Variants in RIPK1 observed in about 807,000 individuals in gnomAD.
The protein encoded by RIPK1 is receptor interacting serine/threonine kinase 1, also known as receptor-interacting serine/threonine-protein kinase 1.
In RIPK1, 27 loss-of-function variants were observed where a neutral mutation model predicts 62.4. The ratio of observed to expected loss-of-function variants is 0.43; its 90% CI spans 0.32 to 0.60. The LOEUF is 0.60. Ranked by LOEUF, RIPK1 falls within the 20% of genes least tolerant of loss-of-function variation. RIPK1 has a pLI of 0.07. For synonymous variants in RIPK1, 287 were observed against 303.2 expected (o/e 0.95, Z 0.55); for missense variants, 735 against 831.0 (o/e 0.88, Z 1.42).
In RIPK1 at chr6:3,072,916, C is replaced by G. The variant is rs533186126; in HGVS notation, c.-60-3848C>G. ...ATCTTTTATGCCCTCTGTCTCCACC[C>G]GCTCCTACCTCATTCTCACTAGGAT... On this transcript the variant is annotated intron_variant, in intron 1 of 10. Coordinates refer to ENST00000259808, the MANE Select transcript of RIPK1 (RefSeq NM_001354930.2). The surrounding 1 kb of genome is among the most constrained non-coding windows in gnomAD (Gnocchi z 5.6). Among the ~76,000 whole-genome samples, 2 of 152,092 alleles carry G rather than the reference C, an allele frequency of 1.3e-5. No homozygotes were observed. The highest frequency in any genetic ancestry group is 1.5e-5 in the Non-Finnish European group (1 of 68,006).
At position 3,113,947 on chromosome 6, in the gene RIPK1, G is replaced by A. The variant is rs1169372962; in HGVS notation, c.*608G>A. 3 of 152,292 alleles carry A rather than the reference G, an allele frequency of 2.0e-5. No individual in the cohort carries two copies. Among genetic ancestry groups the A allele is most frequent in the Non-Finnish European group, 4.4e-5 (3 of 68,124 alleles). The allele number at this position is 152,292 out of a possible 1,614,324, so 9.4% of individuals were successfully genotyped here. On this transcript the variant is annotated 3_prime_UTR_variant, in exon 11 of 11. Coordinates refer to ENST00000259808, the MANE Select transcript of RIPK1 (RefSeq NM_001354930.2). The surrounding 1 kb of genome is among the most constrained non-coding windows in gnomAD (Gnocchi z 5.0). Reference sequence around the variant, plus strand: ...CCGCCACATCACAGGATCCGTTAACGTTAATACCCAATACTCTGTCAGCCA... The same window carrying A: ...CCGCCACATCACAGGATCCGTTAACATTAATACCCAATACTCTGTCAGCCA...
rs1323050495 is a variant in RIPK1, at chr6:3,072,598, T to C, written c.-61+3937T>C. ...TGATGATGGGCCGGCATACGTTGGG[T>C]TCTGCTAGGCTCTGGAGATGGTGCA... On this transcript the variant is annotated intron_variant, in intron 1 of 10. Transcript: ENST00000259808. This position sits in a 1 kb window ranked among gnomAD's most constrained non-coding sequence, Gnocchi z 5.6. 6.6e-6 allele frequency among the ~76,000 whole-genome samples: 1 copy of C among 152,224 alleles called. No homozygotes were observed. The highest frequency in any genetic ancestry group is 1.5e-5 in the Non-Finnish European group (1 of 68,038).
At chr6:3,086,615 A>G (rs1029502680) in intron 6 of RIPK1, among the ~76,000 whole-genome samples, 16 of 152,218 alleles carry the variant, frequency 1.1e-4, no homozygotes, top group Non-Finnish European at 2.4e-4. Context: ...GAAACAGCCA[A>G]ATGGAAGAGA....
intron 1 of RIPK1, among the ~76,000 whole-genome samples, chr6:3,069,089 C>T (rs1236757691): frequency 2.0e-5 from 3 of 152,246 alleles, no homozygotes; most frequent in Admixed American, 6.5e-5. Context: ...TGGTAGCGGG[C>T]GGAGACCTGC....
At chr6:3,103,546 C>T (rs993056840) in intron 7 of RIPK1, among the ~76,000 whole-genome samples, 1 of 152,312 alleles carries the variant, frequency 6.6e-6, no homozygotes, top group Non-Finnish European at 1.5e-5. Context: ...ATGGGATCCA[C>T]CTGCCTTGGC....
At chr6:3,110,069 T>A (rs1761076848) in intron 9 of RIPK1, among the ~76,000 whole-genome samples, 1 of 152,200 alleles carries the variant, frequency 6.6e-6, no homozygotes, top group Non-Finnish European at 1.5e-5. Context: ...TTAGCTATTG[T>A]GAATAATGCT....
chr6:3,090,857 A>G (rs75249180), intron 7 of RIPK1, among the ~76,000 whole-genome samples: 2,552 of 63,538 alleles, frequency 0.04, 112 homozygotes, highest in East Asian at 0.13. Flanking sequence ...ACCGCAGAGT[A>G]CCTACCTGCC....
At chr6:3,075,906 CT>C (rs1319902726) in intron 1 of RIPK1, among the ~76,000 whole-genome samples, 2 of 150,078 alleles carry the variant, frequency 1.3e-5, no homozygotes, top group African/African-American at 2.5e-5. Flanking sequence ...CCATGGGCTG[CT>C]TTTTTTCTAG....
Position 3,110,836 on chromosome 6 carries a change from C to G in RIPK1, c.1610C>G (p.Thr537Ser). The G allele has an allele frequency of 1.3e-6, 2 of 1,587,286 alleles. No individual in the cohort carries two copies. The highest frequency in any genetic ancestry group is 1.7e-6 in the Non-Finnish European group (2 of 1,155,734). The stretch of plus-strand genomic sequence containing the variant: ...ATAAAATATACCATATACAATAGTA[C>G]TGGCATTCAGATTGGAGCCTACAAT... The part of the protein sequence containing the change: ...ESIKYTIYNS[T>S]GIQIGAYNYM... The change falls in exon 10 of 11, where the codon ACT becomes AGT. Residue 537 changes from threonine to serine, a missense_variant. Coordinates refer to ENST00000259808, the MANE Select transcript of RIPK1 (RefSeq NM_001354930.2).
intron 1 of RIPK1, among the ~76,000 whole-genome samples, chr6:3,069,837 CCT>C (rs1322643421): frequency 6.6e-6 from 1 of 152,150 alleles, no homozygotes; most frequent in Non-Finnish European, 1.5e-5. Context: ...ATGGCAAAAC[CCT>C]GTCTCTACTA....
chr6:3,108,745 T>C (rs1760996841), intron 9 of RIPK1, among the ~76,000 whole-genome samples: 2 of 152,174 alleles, frequency 1.3e-5, no homozygotes, highest in Admixed American at 1.3e-4. Flanking sequence ...CTTGCTAGGA[T>C]TCCAAGGACC....
At position 3,094,580 on chromosome 6, in the gene RIPK1, C is replaced by CATATATATAT. The variant is rs370564571; in HGVS notation, c.915+4934_915+4943dup. On this transcript the variant is annotated intron_variant, in intron 7 of 10. Transcript: ENST00000259808. Reference sequence around the variant, plus strand: ...TATAACCTTAAATAAATAAATATTTCATATATATATATATATATATGAAGA... The same window carrying CATATATATAT: ...TATAACCTTAAATAAATAAATATTTCATATATATATATATATATATATATATATATGAAGA... 9.3e-3 allele frequency among the ~76,000 whole-genome samples: 1,290 copies of CATATATATAT among 139,278 alleles called. 6 individuals carry two copies. The highest frequency in any genetic ancestry group is 0.015 in the Middle Eastern group (4 of 262). The allele number at this position is 139,278 out of a possible 152,430, so 91.4% of individuals were successfully genotyped here.
At position 3,113,930 on chromosome 6, in the gene RIPK1, T is replaced by C. The variant is rs899853671; in HGVS notation, c.*591T>C. 1 of 152,342 alleles carries C rather than the reference T, an allele frequency of 6.6e-6. No individual in the cohort carries two copies. The highest frequency in any genetic ancestry group is 1.5e-5 in the Non-Finnish European group (1 of 68,142). The allele number at this position is 152,342 out of a possible 1,614,324, so 9.4% of individuals were successfully genotyped here. A position where few individuals can be genotyped will look rare whatever the true frequency, so the allele number is the denominator to read the frequency against. ...ATCACAGCTGCAGCTCACCGCCACA[T>C]CACAGGATCCGTTAACGTTAATACC... On this transcript the variant is annotated 3_prime_UTR_variant, in exon 11 of 11. Transcript: ENST00000259808. The surrounding 1 kb of genome is among the most constrained non-coding windows in gnomAD (Gnocchi z 5.0).
chr6:3,081,981 T>G (rs1759415180), intron 4 of RIPK1, among the ~76,000 whole-genome samples: 1 of 151,416 alleles, frequency 6.6e-6, no homozygotes, highest in Non-Finnish European at 1.5e-5. Flanking sequence ...CTGTCTGTAT[T>G]TTAAAAATCA....
chr6:3,113,425 C>G lies in RIPK1; in HGVS notation c.*86C>G, dbSNP rs1467401675. ...TGGCTGCCTCAGAGCATTCAGAATT[C>G]TGTCCTCACTGATAGGGGTTCTGTG... is the stretch of plus-strand genomic sequence containing the variant. On this transcript the variant is annotated 3_prime_UTR_variant, in exon 11 of 11. Transcript: ENST00000259808. This position sits in a 1 kb window ranked among gnomAD's most constrained non-coding sequence, Gnocchi z 5.0. The G allele has an allele frequency of 2.2e-5, 28 of 1,280,536 alleles. No homozygotes were observed. Among genetic ancestry groups the G allele is most frequent in the Admixed American group, 4.8e-5 (2 of 41,348 alleles). The allele number at this position is 1,280,536 out of a possible 1,614,324, so 79.3% of individuals were successfully genotyped here. A position where few individuals can be genotyped will look rare whatever the true frequency, so the allele number is the denominator to read the frequency against.
chr6:3,066,375 G>T (rs1160187443), upstream of RIPK1, among the ~76,000 whole-genome samples: 3 of 152,022 alleles, frequency 2.0e-5, no homozygotes, highest in East Asian at 5.8e-4. Flanking sequence ...TCAGTGCCTA[G>T]AACAGGTGCT....
In RIPK1 at chr6:3,105,839, T is replaced by G. The variant is rs1344678612; in HGVS notation, c.1364T>G (p.Leu455Arg). The change falls in exon 9 of 11, where the codon CTC becomes CGC. Residue 455 changes from leucine (L) to arginine (R), a missense_variant. Physicochemically the swap from Leu to Arg is moderately radical, Grantham distance 102. This residue lies in a region of RIPK1 where 671 missense variants were observed against 726.2 expected (regional missense o/e 0.92). Coordinates refer to ENST00000259808, the MANE Select transcript of RIPK1 (RefSeq NM_001354930.2). This position sits in a 1 kb window ranked among gnomAD's most constrained non-coding sequence, Gnocchi z 4.5. ...AATGCAGTGCACCAGCCCTCAGGGC[T>G]CACCAGCCAACCTCAAGTACTGTAT... ...HGNAVHQPSG[L>R]TSQPQVLYQN... 6.2e-7 allele frequency: 1 copy of G among 1,614,192 alleles called. No homozygotes were observed. The highest frequency in any genetic ancestry group is 1.1e-5 in the South Asian group (1 of 91,082).
chr6:3,074,148 T>A (rs1010954767), intron 1 of RIPK1, among the ~76,000 whole-genome samples: 1 of 152,188 alleles, frequency 6.6e-6, no homozygotes, highest in African/African-American at 2.4e-5. Flanking sequence ...CCCGTTGATA[T>A]CCTACAACAT....
chr6:3,080,715 T>C (rs1759328621), intron 3 of RIPK1, among the ~76,000 whole-genome samples: 2 of 152,346 alleles, frequency 1.3e-5, no homozygotes, highest in Middle Eastern at 6.8e-3. Context: ...CTCAAGGAGC[T>C]TAATTTTATA....
Sources: allele counts gnomAD v4.1 joint callset (sites outside exome capture counted in the v4.1 genomes callset), GRCh38; gene constraint gnomAD v4.1.1; regional missense constraint gnomAD v4.1.1; non-coding constraint Gnocchi (gnomAD v3.1); transcripts MANE v1.5; gene names NCBI Gene and HGNC (gene_info 2026-07-23, HGNC 2026-07-21).